ADK: variants seen among roughly 807,000 people sequenced by gnomAD.
ADK encodes the protein N6,N6-dimethyladenosine kinase.
Under a neutral mutation model 44.7 loss-of-function variants are expected in ADK, and 24 were observed. That is an observed-to-expected ratio of 0.54 (90% CI 0.39 to 0.76). The LOEUF is 0.76. Among genes scored for constraint, ADK ranks in the 30% least tolerant of loss-of-function variants. The pLI is 0.00. For synonymous variants in ADK, 128 were observed against 142.6 expected, an observed-to-expected ratio of 0.90 and a Z score of 0.73; for missense variants, 321 against 425.1, an observed-to-expected ratio of 0.76 and a Z score of 2.15.
chr10:74,512,189 A>G (rs1564764729), intron 6 of ADK, among the ~76,000 whole-genome samples: 1 of 152,024 alleles, frequency 6.6e-6, no homozygotes. Context: ...TGTTGGGTTC[A>G]GTTTGCTAGT....
intron 7 of ADK, among the ~76,000 whole-genome samples, chr10:74,554,430 A>G (rs1312529305): frequency 7.2e-5 from 11 of 152,114 alleles, no homozygotes; most frequent in Admixed American, 7.2e-4. Context: ...TTATATATAT[A>G]ATAATTGCAA....
intron 6 of ADK, among the ~76,000 whole-genome samples, chr10:74,491,857 G>A (rs1189813346): frequency 2.0e-5 from 3 of 152,118 alleles, no homozygotes; most frequent in Non-Finnish European, 4.4e-5. Context: ...TTAGGAGTAT[G>A]GGGCTATGGA....
At chr10:74,649,443 T>C (rs957805006) in intron 9 of ADK, among the ~76,000 whole-genome samples, 6 of 151,866 alleles carry the variant, frequency 4.0e-5, no homozygotes, top group East Asian at 3.9e-4. Flanking sequence ...CTCTGTAACA[T>C]AGGGAGACCC....
intron 9 of ADK, among the ~76,000 whole-genome samples, chr10:74,637,018 T>G (rs1853642134): frequency 6.6e-6 from 1 of 152,192 alleles, no homozygotes; most frequent in Admixed American, 6.5e-5. Flanking sequence ...CTATATGAGA[T>G]GAAACAAGAT....
chr10:74,613,306 A>G (rs940443826), intron 9 of ADK, among the ~76,000 whole-genome samples: 1 of 152,052 alleles, frequency 6.6e-6, no homozygotes. Context: ...TGTCACTTTG[A>G]GAATCACTGG....
rs568702546 is a variant in ADK at position 74,353,405 on chromosome 10, T to TG, written c.273+38662dup. Reference sequence around the variant, plus strand: ...TGGAGCATAACATACCTGGGCCAGCTGGTGGGTAGGGGTCAAGGGGAGGGA... The same window carrying TG: ...TGGAGCATAACATACCTGGGCCAGCTGGGTGGGTAGGGGTCAAGGGGAGGGA... On this transcript the variant is annotated intron_variant, in intron 4 of 10. Transcript: ENST00000539909. Among the ~76,000 whole-genome samples, 10 of 151,996 alleles carry TG rather than the reference T, an allele frequency of 6.6e-5. No homozygotes were observed. The South Asian group carries it at 2.1e-3, about 32-fold the overall frequency.
In ADK at chr10:74,200,803, C is replaced by T; in HGVS notation, c.105C>T (p.Asp35=). The change falls in exon 2 of 11, where the codon GAC becomes GAT. Residue 35 remains aspartate (D), a synonymous_variant. Coordinates refer to ENST00000539909, the MANE Select transcript of ADK (RefSeq NM_006721.4). ...ILFGMGNPLL[D]ISAVVDKDFL... is the part of the protein sequence containing the mutation. The stretch of plus-strand genomic sequence containing the variant: ...TTGGAATGGGAAATCCTCTGCTTGA[C>T]ATCTCTGCTGTAGTGGACAAAGATT... 6 of 1,611,626 alleles carry T rather than the reference C, an allele frequency of 3.7e-6. No individual in the cohort carries two copies. The highest frequency in any genetic ancestry group is 5.1e-6 in the Non-Finnish European group (6 of 1,178,282).
At chr10:74,431,433 A>G (rs1292748485) in intron 6 of ADK, among the ~76,000 whole-genome samples, 1 of 152,196 alleles carries the variant, frequency 6.6e-6, no homozygotes, top group Non-Finnish European at 1.5e-5. Context: ...GGGGACTTGA[A>G]TAAATCAGTC....
At chr10:74,157,452 A>G (rs181096868) in intron 1 of ADK, among the ~76,000 whole-genome samples, 8 of 152,302 alleles carry the variant, frequency 5.3e-5, no homozygotes, top group African/African-American at 4.8e-5. Context: ...AGATGGCTAT[A>G]TTAAAGAAAA....
At chr10:74,343,193 G>T (rs1841643718) in intron 4 of ADK, among the ~76,000 whole-genome samples, 1 of 151,970 alleles carries the variant, frequency 6.6e-6, no homozygotes, top group African/African-American at 2.4e-5. Context: ...TCTTGAAACA[G>T]TACAGTTGAC....
At chr10:74,332,279 T>G (rs1239352281) in intron 4 of ADK, among the ~76,000 whole-genome samples, 1 of 152,232 alleles carries the variant, frequency 6.6e-6, no homozygotes, top group Admixed American at 6.5e-5. Flanking sequence ...AGATGAGAGA[T>G]GTATGTAGTT....
At chr10:74,586,868 A>AT (rs201524792) in intron 7 of ADK, among the ~76,000 whole-genome samples, 3,466 of 150,674 alleles carry the variant, frequency 0.023, 126 homozygotes, top group African/African-American at 0.076. Flanking sequence ...AAAAAAAAAA[A>AT]ATATATATGT....
intron 4 of ADK, among the ~76,000 whole-genome samples, chr10:74,355,453 G>T (rs1028109181): frequency 1.3e-5 from 2 of 152,222 alleles, no homozygotes; most frequent in Non-Finnish European, 2.9e-5. Context: ...GATATAATGT[G>T]TATGGAGTAA....
chr10:74,429,954 CACAT>C (rs1418779144), intron 6 of ADK, among the ~76,000 whole-genome samples: 4 of 152,144 alleles, frequency 2.6e-5, no homozygotes, highest in Admixed American at 2.0e-4. Context: ...TACTCTGGGC[CACAT>C]ACCATTCTAA....
At chr10:74,260,173 C>A (rs144645961) in intron 3 of ADK, among the ~76,000 whole-genome samples, 3 of 152,116 alleles carry the variant, frequency 2.0e-5, no homozygotes, top group East Asian at 1.9e-4. Context: ...GTTCCCACTC[C>A]CCCCAAAATC....
At chr10:74,359,444 C>T (rs866312106) in intron 4 of ADK, among the ~76,000 whole-genome samples, 16 of 152,122 alleles carry the variant, frequency 1.1e-4, no homozygotes, top group South Asian at 4.1e-4. Flanking sequence ...CATGGTGGCT[C>T]ATGCCTGTAA....
intron 3 of ADK, among the ~76,000 whole-genome samples, chr10:74,225,740 G>C (rs1386813566): frequency 6.6e-6 from 1 of 152,072 alleles, no homozygotes; most frequent in African/African-American, 2.4e-5. Context: ...ATCCTTATTT[G>C]AGTATAATCT....
intron 4 of ADK, among the ~76,000 whole-genome samples, chr10:74,367,086 G>A (rs1293828706): frequency 6.6e-6 from 1 of 152,108 alleles, no homozygotes; most frequent in Non-Finnish European, 1.5e-5. Context: ...TACTCCATAA[G>A]AAAAATTTGC....
chr10:74,345,024 G>A (rs567551905), intron 4 of ADK, among the ~76,000 whole-genome samples: 6 of 152,322 alleles, frequency 3.9e-5, no homozygotes, highest in South Asian at 4.1e-4. Context: ...CATTGCAGCC[G>A]CTTTATCTAA....
Sources: gnomAD v4.1 joint callset for allele counts (sites outside exome capture counted in the v4.1 genomes callset) on GRCh38, gnomAD v4.1.1 for gene constraint, MANE v1.5 for transcripts, NCBI Gene and HGNC (gene_info 2026-07-23, HGNC 2026-07-21) for gene names.